AKR1C3: variants seen among roughly 807,000 people sequenced by gnomAD.
AKR1C3 encodes the protein 3-alpha hydroxysteroid dehydrogenase, type II.
AKR1C3 carries 48 observed loss-of-function variants against 43.6 expected under a neutral mutation model. That is an observed-to-expected ratio of 1.10 (90% CI 0.87 to 1.40). The LOEUF (loss-of-function observed/expected upper bound fraction) is 1.40, where lower values mean the gene tolerates loss of function less well. Among genes scored for constraint, AKR1C3 ranks in the 40% most tolerant of loss-of-function variants. The pLI is 0.00. For missense variants in AKR1C3, 482 were observed against 391.2 expected (o/e 1.23, Z -1.96); for synonymous variants, 162 against 139.6 (o/e 1.16, Z -1.13).
chr10:5,062,939 G>C (rs1345847372), intron 1 of AKR1C3, among the ~76,000 whole-genome samples: 1 of 151,554 alleles, frequency 6.6e-6, no homozygotes, highest in Non-Finnish European at 1.5e-5. Context: ...ACTTGGGAAT[G>C]TAAGAAAATG....
rs189883370 is a variant in AKR1C3 at position 5,054,043 on chromosome 10, C to T, written c.84+5148C>T. Among the ~76,000 whole-genome samples, 427 of 152,264 alleles carry T rather than the reference C, an allele frequency of 2.8e-3. 2 individuals are homozygous for T. The highest frequency in any genetic ancestry group is 9.7e-3 in the African/African-American group (404 of 41,536). ...GAGGTTGGTATAAGAATTTGAAAGG[C>T]GTTGTCTGATTTCAGAAGCCTTTTC... On this transcript the variant is annotated intron_variant, in intron 1 of 8. Transcript: ENST00000439082.
Position 5,097,480 on chromosome 10 carries a change from A to T in AKR1C3, c.299A>T (p.Glu100Val). 1 of 1,613,936 alleles carries T rather than the reference A, an allele frequency of 6.2e-7. No homozygotes were observed. The highest frequency in any genetic ancestry group is 1.1e-5 in the South Asian group (1 of 91,076). Residue 100 changes from glutamate (E) to valine (V), a missense_variant, in exon 3 of 9, where the codon GAA (glutamate) becomes GTA (valine). Glu to Val is a moderately radical substitution (Grantham distance 121). Coordinates refer to ENST00000380554, the MANE Select transcript of AKR1C3 (RefSeq NM_003739.6). ...CCAGAGTTGGTCCGACCAGCCTTGGAAAACTCACTGAAGAAAGCTCAATTG... is the reference window on the plus strand; with the variant it reads ...CCAGAGTTGGTCCGACCAGCCTTGGTAAACTCACTGAAGAAAGCTCAATTG... ...HRPELVRPAL[E>V]NSLKKAQLDY...
At chr10:5,080,725 T>G (rs1259699106) in intron 1 of AKR1C3, 1 of 152,306 alleles carries the variant, frequency 6.6e-6, no homozygotes, top group African/African-American at 2.4e-5. Context: ...AGCCACTATC[T>G]GTGTCTCACT....
At position 5,057,823 on chromosome 10, in the gene AKR1C3, T is replaced by C. The variant is rs532812591; in HGVS notation, c.84+8928T>C. Among the ~76,000 whole-genome samples, 3 of 152,272 alleles carry C rather than the reference T, an allele frequency of 2.0e-5. No individual in the cohort carries two copies. The South Asian group carries it at 6.2e-4, about 32-fold the overall frequency. On this transcript the variant is annotated intron_variant, in intron 1 of 8. Coordinates refer to the AKR1C3 transcript ENST00000439082. ...TAAGATACCACATATCTCCAAACTC[T>C]CGGGCTGTAGCTAAAGCTGCATTCT... is the stretch of plus-strand genomic sequence containing the variant.
intron 1 of AKR1C3, among the ~76,000 whole-genome samples, chr10:5,084,570 G>A (rs1284971186): frequency 6.6e-6 from 1 of 152,104 alleles, no homozygotes; most frequent in Non-Finnish European, 1.5e-5. Flanking sequence ...GCTCTTTTTG[G>A]GTTCCATATG....
At chr10:5,067,539 G>A (rs1838533352) in intron 1 of AKR1C3, among the ~76,000 whole-genome samples, 1 of 152,064 alleles carries the variant, frequency 6.6e-6, no homozygotes, top group Non-Finnish European at 1.5e-5. Context: ...TTTTTTACCT[G>A]GTGAAAATAT....
At position 5,055,619 on chromosome 10, in the gene AKR1C3, G is replaced by A. The variant is rs192631567; in HGVS notation, c.84+6724G>A. 7.9e-4 allele frequency among the ~76,000 whole-genome samples: 121 copies of A among 152,356 alleles called. 1 individual carries two copies. The highest frequency in any genetic ancestry group is 1.5e-3 in the Non-Finnish European group (101 of 68,036). ...TCCTTACTTAGGTACGCCACTGGTT[G>A]TGGGGTTGTCCCACGAGTCTGAGTA... On this transcript the variant is annotated intron_variant, in intron 1 of 8. Coordinates refer to the AKR1C3 transcript ENST00000439082.
chr10:5,060,639 C>T (rs553180064), intron 1 of AKR1C3, among the ~76,000 whole-genome samples: 1 of 150,650 alleles, frequency 6.6e-6, no homozygotes, highest in African/African-American at 2.4e-5. Context: ...GTGGATCCCA[C>T]ACTGGGGCTG....
Position 5,094,539 on chromosome 10 carries a change from T to C in AKR1C3, c.84+11T>C. 6.2e-7 allele frequency: 1 copy of C among 1,612,034 alleles called. No individual in the cohort carries two copies. Among genetic ancestry groups the C allele is most frequent in the African/African-American group, 1.3e-5 (1 of 74,956 alleles). ...TATGCACCTCCAGAGGTAAGAATAA[T>C]TCCTTTTAGTTTTCGGATTTCAAAA... On this transcript the variant is annotated intron_variant, in intron 1 of 8. Coordinates refer to ENST00000380554, the MANE Select transcript of AKR1C3 (RefSeq NM_003739.6).
chr10:5,096,643 T>A, intron 2 of AKR1C3, 66 bp downstream of exon 2: 1 of 1,521,292 alleles, frequency 6.6e-7, no homozygotes, highest in Non-Finnish European at 8.8e-7. Context: ...ATGACAATTC[T>A]ATGACTGGAT....
chr10:5,059,463 C>A (rs1554779987), intron 1 of AKR1C3, among the ~76,000 whole-genome samples: 2 of 152,096 alleles, frequency 1.3e-5, no homozygotes, highest in African/African-American at 4.8e-5. Context: ...CATCAGGAAC[C>A]CGGAGCTGCA....
intron 7 of AKR1C3, among the ~76,000 whole-genome samples, chr10:5,105,028 G>A (rs888765973): frequency 2.7e-5 from 4 of 149,376 alleles, no homozygotes; most frequent in Non-Finnish European, 5.9e-5. Context: ...AGCAATTAGT[G>A]GCATCCTCTT....
In AKR1C3 at chr10:5,105,622, G is replaced by A. The variant is rs1330490806; in HGVS notation, c.874G>A (p.Asp292Asn). 1.2e-6 allele frequency: 2 copies of A among 1,613,914 alleles called. No homozygotes were observed. The highest frequency in any genetic ancestry group is 2.7e-5 in the African/African-American group (2 of 74,922). The change falls in exon 8 of 9, where the codon GAC (aspartate) becomes AAC (asparagine). Residue 292 changes from aspartate to asparagine, a missense_variant. Asp to Asn is a conservative substitution (Grantham distance 23). Coordinates refer to ENST00000380554, the MANE Select transcript of AKR1C3 (RefSeq NM_003739.6). ...QVFEFQLTAE[D>N]MKAIDGLDRN... ...TTTTGAGTTCCAGTTGACTGCAGAG[G>A]ACATGAAAGCCATAGATGGCCTAGA...
chr10:5,090,943 A>T (rs1047982909), upstream of AKR1C3, among the ~76,000 whole-genome samples: 16 of 152,132 alleles, frequency 1.1e-4, no homozygotes, highest in African/African-American at 3.9e-4. Context: ...AACATTGACC[A>T]TTGGCATTGA....
At chr10:5,056,226 G>A (rs937431202) in intron 1 of AKR1C3, among the ~76,000 whole-genome samples, 2 of 152,086 alleles carry the variant, frequency 1.3e-5, no homozygotes, top group Non-Finnish European at 2.9e-5. Flanking sequence ...AAACCCTTGG[G>A]GCATGTAAGT....
intron 1 of AKR1C3, among the ~76,000 whole-genome samples, chr10:5,084,604 T>A (rs1410899029): frequency 2.0e-5 from 3 of 152,180 alleles, no homozygotes; most frequent in South Asian, 4.2e-4. Context: ...TTTTTTCCAA[T>A]TCTGTGAAGA....
chr10:5,096,349 G>A (rs1839206600), intron 1 of AKR1C3, 61 bp from the exon 2 acceptor site: 1 of 1,560,764 alleles, frequency 6.4e-7, no homozygotes, highest in Admixed American at 1.9e-5. Flanking sequence ...GTCAATGCTT[G>A]TGCCTGAACT....
At chr10:5,101,171 T>A (rs1406004075) in intron 5 of AKR1C3, among the ~76,000 whole-genome samples, 2 of 152,214 alleles carry the variant, frequency 1.3e-5, no homozygotes, top group African/African-American at 4.8e-5. Flanking sequence ...AGTTGTGAGC[T>A]GATCTGTTCT....
intron 1 of AKR1C3, among the ~76,000 whole-genome samples, chr10:5,051,676 G>A (rs569836937): frequency 7.4e-4 from 113 of 152,246 alleles, no homozygotes; most frequent in African/African-American, 2.5e-3. Context: ...ATATTAACAT[G>A]GAGGACTTTG....
Sources: gnomAD v4.1 joint callset for allele counts (sites outside exome capture counted in the v4.1 genomes callset) on GRCh38, gnomAD v4.1.1 for gene constraint, MANE v1.5 for transcripts, NCBI Gene and HGNC (gene_info 2026-07-23, HGNC 2026-07-21) for gene names.